The following NBPF20 variants were observed in gnomAD, a reference collection of about 807,000 sequenced individuals.
NBPF20 encodes the protein NBPF member 20.
A neutral mutation model predicts 68.1 loss-of-function variants in NBPF20; 90 were observed. The observed-to-expected ratio is 1.32, with a 90% CI of 1.11 to 1.58. The LOEUF is 1.58. Among genes scored for constraint, NBPF20 ranks in the 40% most tolerant of loss-of-function variants. NBPF20 has a pLI of 0.00. For synonymous variants in NBPF20, 290 were observed against 228.1 expected, an observed-to-expected ratio of 1.27 and a Z score of -2.45; for missense variants, 816 against 601.2, an observed-to-expected ratio of 1.36 and a Z score of -3.74.
chr1:145,411,387 C>CTTTT, the NBPF20 span, among the ~76,000 whole-genome samples: 5 of 106,154 alleles, frequency 4.7e-5, no homozygotes, highest in Non-Finnish European at 5.7e-5. Flanking sequence ...GTTGACTTTC[C>CTTTT]TTTTTTTTTT....
In NBPF20 at chr1:145,403,242, C is replaced by T. The variant is rs1430088558; in HGVS notation, c.252G>A (p.Glu84=). The change falls in exon 3 of 138, where the codon GAG becomes GAA. Residue 84 remains glutamate, a synonymous_variant. Transcript: ENST00000369373. The stretch of plus-strand genomic sequence containing the variant: ...TGAGCTCCTCAGCTTGCTTGAGCTG[C>T]TCTGCAAGCTTCTCCTCCTTGAACT... 6.7e-5 allele frequency: 108 copies of T among 1,612,664 alleles called. No individual in the cohort carries two copies. The East Asian group carries it at 9.8e-4, about 15-fold the overall frequency.
At chr1:145,309,447 C>A (rs1465532219) in intron 115 of NBPF20, among the ~76,000 whole-genome samples, 199 bp from the exon 121 acceptor site, 1 of 46,204 alleles carries the variant, frequency 2.2e-5, no homozygotes, top group Non-Finnish European at 4.5e-5. Flanking sequence ...GACAGATAGA[C>A]ACACACACAC....
chr1:145,291,904 A>C, intron 137 of NBPF20, 135 bp from the exon 143 acceptor site: 1 of 1,547,392 alleles, frequency 6.5e-7, no homozygotes, highest in Non-Finnish European at 8.7e-7. Context: ...TAAAAAAAAA[A>C]TTTATTGCCT....
At chr1:145,404,266 T>A (rs587698829) in intron 2 of NBPF20, among the ~76,000 whole-genome samples, 52 of 48,546 alleles carry the variant, frequency 1.1e-3, no homozygotes, top group African/African-American at 5.5e-3. Context: ...TATCTTTTTG[T>A]TTGTTTGTTT....
exon 138 of NBPF20, chr1:145,291,556 C>G (rs782354600): frequency 2.5e-6 from 4 of 1,612,014 alleles, no homozygotes; most frequent in East Asian, 4.5e-5. Context: ...CCATCTGGAA[C>G]ACCAGGTGGA....
chr1:145,395,135 C>A (rs1366381151), exon 8 of NBPF20: 2 of 1,550,760 alleles, frequency 1.3e-6, no homozygotes, highest in South Asian at 1.1e-5. Context: ...CAGACTCCTG[C>A]AGATTCCTGA....
chr1:145,393,940 A>T lies in NBPF20; in HGVS notation c.992-5T>A, dbSNP rs1181867215. The T allele has an allele frequency of 1.5e-6, 2 of 1,338,322 alleles. No individual in the cohort carries two copies. Among genetic ancestry groups the T allele is most frequent in the South Asian group, 2.3e-5 (2 of 85,828 alleles). 82.9% of individuals were successfully genotyped at this position (1,338,322 alleles called of 1,614,324 possible). A position where few individuals can be genotyped will look rare whatever the true frequency, so the allele number is the denominator to read the frequency against. The stretch of plus-strand genomic sequence containing the variant: ...TCACTTGATCCCACCGATGTCCTGC[A>T]AATAAATTCAGATGGGCCCTCTTAC... On this transcript the variant is annotated splice_region_variant and splice_polypyrimidine_tract_variant and intron_variant, in intron 8 of 137. Transcript: ENST00000369373.
upstream of NBPF20, among the ~76,000 whole-genome samples, chr1:145,409,959 C>T (rs587732196): frequency 1.4e-4 from 21 of 152,028 alleles, no homozygotes; most frequent in East Asian, 5.8e-4. Context: ...TGTCTCGTTA[C>T]GGAGCCACGA....
chr1:145,402,231 G>T, exon 4 of NBPF20: 2 of 1,607,132 alleles, frequency 1.2e-6, no homozygotes, highest in Admixed American at 3.3e-5. Context: ...GTTCTTGGAG[G>T]TCCTGCCCCT....
intron 11 of NBPF20, 99 bp downstream of exon 16, chr1:145,392,204 T>C (rs2101524424): frequency 2.3e-4 from 1 of 4,354 alleles, no homozygotes. Flanking sequence ...AATTCAACCT[T>C]CGTTGAAAAC....
intron 137 of NBPF20, among the ~76,000 whole-genome samples, chr1:145,292,143 G>A (rs1446262874): frequency 2.7e-5 from 4 of 149,816 alleles, no homozygotes; most frequent in African/African-American, 1.0e-4. Flanking sequence ...AAAATTCGAT[G>A]CAGTGGCCAT....
exon 8 of NBPF20, chr1:145,395,020 A>G: frequency 3.1e-6 from 5 of 1,611,718 alleles, no homozygotes; most frequent in Non-Finnish European, 3.4e-6. Flanking sequence ...TCCTCTAATG[A>G]GTGAAATGTG....
chr1:145,291,382 A>T (rs1661068183), exon 138 of NBPF20: 1 of 1,564,742 alleles, frequency 6.4e-7, no homozygotes, highest in Non-Finnish European at 8.6e-7. Context: ...TGCCACTGGC[A>T]TGGTTTGAGA....
chr1:145,292,694 T>C (rs1344189507), intron 136 of NBPF20, among the ~76,000 whole-genome samples: 1 of 145,410 alleles, frequency 6.9e-6, no homozygotes, highest in Non-Finnish European at 1.5e-5. Flanking sequence ...AAAATGTCCC[T>C]ATTCTAGTAG....
At chr1:145,340,695 A>G in intron 76 of NBPF20, 72 bp downstream of exon 81, 1 of 77,886 alleles carries the variant, frequency 1.3e-5, no homozygotes, top group South Asian at 5.8e-5. Flanking sequence ...AGTAAGGGCC[A>G]CTTGCAGTAG....
At chr1:145,419,834 T>C in the NBPF20 span, among the ~76,000 whole-genome samples, 1 of 152,062 alleles carries the variant, frequency 6.6e-6, no homozygotes, top group East Asian at 1.9e-4. Context: ...CCATGAATGC[T>C]CAGTGAAAGA....
chr1:145,309,507 G>C (rs1661449130), intron 115 of NBPF20, among the ~76,000 whole-genome samples: 1 of 76,790 alleles, frequency 1.3e-5, no homozygotes, highest in African/African-American at 6.7e-5. Flanking sequence ...CAGAGAGAGA[G>C]AACGAGCTCA....
chr1:145,419,432 G>A, the NBPF20 span, among the ~76,000 whole-genome samples: 1 of 152,146 alleles, frequency 6.6e-6, no homozygotes, highest in African/African-American at 2.4e-5. Flanking sequence ...TAATTCCTCT[G>A]GCCCACTGTT....
At position 145,400,025 on chromosome 1, in the gene NBPF20, C is replaced by T. The variant is rs1161011494; in HGVS notation, c.775+361G>A. Among the ~76,000 whole-genome samples, 7 of 152,320 alleles carry T rather than the reference C, an allele frequency of 4.6e-5. No individual in the cohort carries two copies. In the East Asian group the frequency reaches 1.3e-3, roughly 29 times the overall value. On this transcript the variant is annotated intron_variant, in intron 6 of 137. Transcript: ENST00000369373. ...AATATTTCCAAATACAAAGGCAAGG[C>T]TGCCAGCTTCCTTAAACAGGCATAG...
Sources: gnomAD v4.1 joint callset for allele counts (sites outside exome capture counted in the v4.1 genomes callset) on GRCh38, gnomAD v4.1.1 for gene constraint, MANE v1.5 for transcripts, NCBI Gene and HGNC (gene_info 2026-07-23, HGNC 2026-07-21) for gene names.